TUSC3: variants seen among roughly 807,000 people sequenced by gnomAD.
The protein encoded by TUSC3 is dolichyl-diphosphooligosaccharide--protein glycosyltransferase subunit TUSC3.
A neutral mutation model predicts 44.8 loss-of-function variants in TUSC3; 45 were observed. The observed-to-expected ratio is 1.00, with a 90% confidence interval of 0.79 to 1.29. The LOEUF (loss-of-function observed/expected upper bound fraction) is 1.29. Among genes scored for constraint, TUSC3 ranks in the 50% most tolerant of loss-of-function variants. The pLI is 0.00. For synonymous variants in TUSC3, 212 were observed against 152.9 expected (o/e 1.39, Z -2.85); for missense variants, 519 against 437.9 (o/e 1.19, Z -1.65).
chr8:15,699,542 T>TG (rs1165198634), intron 6 of TUSC3, among the ~76,000 whole-genome samples: 2 of 152,340 alleles, frequency 1.3e-5, no homozygotes, highest in East Asian at 3.9e-4. Flanking sequence ...TAAAAAATGC[T>TG]GTTTGCTCCA....
chr8:15,641,515 A>C (rs1267456446), intron 2 of TUSC3, among the ~76,000 whole-genome samples: 1 of 152,200 alleles, frequency 6.6e-6, no homozygotes, highest in African/African-American at 2.4e-5. Flanking sequence ...TAAGGTCTGA[A>C]AATGCAAATA....
chr8:15,717,453 C>T (rs1315303243), intron 6 of TUSC3, among the ~76,000 whole-genome samples: 1 of 152,032 alleles, frequency 6.6e-6, no homozygotes, highest in Non-Finnish European at 1.5e-5. Context: ...TGTACATAAT[C>T]TGGTATCCCA....
At chr8:15,530,198 A>G (rs1047320293) in intron 2 of TUSC3, among the ~76,000 whole-genome samples, 7 of 151,958 alleles carry the variant, frequency 4.6e-5, no homozygotes, top group Admixed American at 3.9e-4. Context: ...CAGCAGCTAT[A>G]AGGACAGTTT....
At chr8:15,624,772 C>G (rs776217542) in intron 2 of TUSC3, among the ~76,000 whole-genome samples, 7 of 152,032 alleles carry the variant, frequency 4.6e-5, no homozygotes, top group Non-Finnish European at 8.8e-5. Flanking sequence ...CATTACAGGT[C>G]TTTTGCAGGT....
At chr8:15,553,254 G>T (rs529828391) in intron 1 of TUSC3, among the ~76,000 whole-genome samples, 3 of 151,804 alleles carry the variant, frequency 2.0e-5, no homozygotes, top group Admixed American at 2.0e-4. Context: ...AATGGGAATT[G>T]AATTCATGGT....
intron 9 of TUSC3, 89 bp from the exon 10 acceptor site, chr8:15,757,702 A>C: frequency 6.9e-7 from 1 of 1,449,030 alleles, no homozygotes; most frequent in Non-Finnish European, 9.7e-7. Flanking sequence ...TGTAGTGCTA[A>C]ATCTTGTAAT....
chr8:15,836,988 T>G, the TUSC3 span, among the ~76,000 whole-genome samples: 1 of 142,176 alleles, frequency 7.0e-6, no homozygotes, highest in Non-Finnish European at 1.5e-5. Context: ...TAATAACTAG[T>G]TTTTTTTCTA....
chr8:15,531,208 G>T (rs1430585684), intron 2 of TUSC3, among the ~76,000 whole-genome samples: 1 of 152,168 alleles, frequency 6.6e-6, no homozygotes, highest in Admixed American at 6.5e-5. Context: ...CAAGCTGCCT[G>T]CCTGGGCCTC....
intron 2 of TUSC3, among the ~76,000 whole-genome samples, chr8:15,501,941 C>T (rs192045611): frequency 3.3e-5 from 5 of 152,220 alleles, no homozygotes; most frequent in Admixed American, 3.3e-4. Flanking sequence ...GAAGTAACGA[C>T]TGATAACTTT....
chr8:15,580,553 A>G (rs1229242640), intron 1 of TUSC3, among the ~76,000 whole-genome samples: 1 of 92,234 alleles, frequency 1.1e-5, no homozygotes, highest in Non-Finnish European at 2.3e-5. Flanking sequence ...TCTGTAAAGT[A>G]TTTTATTTCT....
intron 5 of TUSC3, among the ~76,000 whole-genome samples, chr8:15,672,086 G>GTGGATGCAGGCATTACCATCA (rs1295136803): frequency 2.0e-5 from 3 of 152,032 alleles, no homozygotes; most frequent in Non-Finnish European, 4.4e-5. Flanking sequence ...TGAACAAGAT[G>GTGGATGCAGGCATTACCATCA]TGGATGCAGG....
Position 15,473,404 on chromosome 8 carries a change from A to G in TUSC3, n.92-9982A>G, listed in dbSNP as rs142221529. Reference sequence around the variant, plus strand: ...ACATGTCACTTTCCTATGAAATACTATAGAAAAAACTTGGCTTTATCTGAA... The same window carrying G: ...ACATGTCACTTTCCTATGAAATACTGTAGAAAAAACTTGGCTTTATCTGAA... On this transcript the variant is annotated intron_variant and non_coding_transcript_variant, in intron 1 of 5. Coordinates refer to the TUSC3 transcript ENST00000503191. Among the ~76,000 whole-genome samples, 379 of 152,346 alleles carry G rather than the reference A, an allele frequency of 2.5e-3. 4 individuals are homozygous for G. The highest frequency in any genetic ancestry group is 8.8e-3 in the African/African-American group (364 of 41,586).
chr8:15,816,243 G>C, the TUSC3 span, among the ~76,000 whole-genome samples: 1 of 152,152 alleles, frequency 6.6e-6, no homozygotes, highest in Non-Finnish European at 1.5e-5. Flanking sequence ...ATAATGAAGA[G>C]AACTGGAGAT....
rs373517876 is a variant in TUSC3 at position 15,667,554 on chromosome 8, A to G, written c.708+5258A>G. On this transcript the variant is annotated intron_variant, in intron 5 of 10. Transcript: ENST00000503731. The stretch of plus-strand genomic sequence containing the variant: ...ATGGAATATACAAAGGATTGTATAA[A>G]ATGTGTATAGAATATTACATATTTT... Among the ~76,000 whole-genome samples, 71 of 151,850 alleles carry G rather than the reference A, an allele frequency of 4.7e-4. No individual in the cohort carries two copies. The South Asian group carries it at 0.015, about 31-fold the overall frequency.
intron 1 of TUSC3, among the ~76,000 whole-genome samples, chr8:15,609,211 TAA>T (rs1243608737): frequency 6.6e-6 from 1 of 152,186 alleles, no homozygotes; most frequent in African/African-American, 2.4e-5. Flanking sequence ...ATTCTGTTAG[TAA>T]AAGTTTTTTT....
At chr8:15,467,900 C>G (rs1486085270) in intron 1 of TUSC3, among the ~76,000 whole-genome samples, 1 of 152,080 alleles carries the variant, frequency 6.6e-6, no homozygotes, top group Non-Finnish European at 1.5e-5. Context: ...CAATATAACT[C>G]TCCCATAAAA....
At chr8:15,847,859 C>T in the TUSC3 span, among the ~76,000 whole-genome samples, 12 of 152,052 alleles carry the variant, frequency 7.9e-5, no homozygotes, top group African/African-American at 2.9e-4. Context: ...GCTGACTGAG[C>T]GAATAAGCCT....
At chr8:15,538,179 C>T (rs1801552489), upstream of TUSC3, among the ~76,000 whole-genome samples, 1 of 152,182 alleles carries the variant, frequency 6.6e-6, no homozygotes, top group Non-Finnish European at 1.5e-5. Context: ...ACACCATGAC[C>T]AAATAAGGCA....
intron 6 of TUSC3, among the ~76,000 whole-genome samples, chr8:15,689,821 G>GGTGTGTGTGTGT (rs71543657): frequency 6.3e-4 from 83 of 131,044 alleles, no homozygotes; most frequent in African/African-American, 1.8e-3. Context: ...AATAGTCCAT[G>GGTGTGTGTGTGT]GTGTGTGTGT....
Sources: allele counts gnomAD v4.1 joint callset (sites outside exome capture counted in the v4.1 genomes callset), GRCh38; gene constraint gnomAD v4.1.1; transcripts MANE v1.5; gene names NCBI Gene and HGNC (gene_info 2026-07-23, HGNC 2026-07-21).